WT1: variants seen among roughly 807,000 people sequenced by gnomAD.
WT1 encodes WT1 transcription factor, also known as Wilms tumor protein.
Under a neutral mutation model 60.8 loss-of-function variants are expected in WT1, and 8 were observed. The observed-to-expected ratio is 0.13, with a 90% CI of 0.08 to 0.24. The LOEUF is 0.24. WT1 is among the 10% of genes least tolerant of loss of function. The pLI, the probability that WT1 is intolerant of heterozygous loss-of-function variation, is 1.00. For synonymous variants in WT1, 312 were observed against 297.1 expected (o/e 1.05, Z -0.52); for missense variants, 568 against 711.8 (o/e 0.80, Z 2.30).
intron 7 of WT1, among the ~76,000 whole-genome samples, chr11:32,395,332 CTG>C (rs1376084669): frequency 6.6e-6 from 1 of 152,236 alleles, no homozygotes; most frequent in Non-Finnish European, 1.5e-5. Flanking sequence ...AGTAAACGTT[CTG>C]TGACATGGCT....
chr11:32,391,418 C>G (rs1292714056), intron 9 of WT1, among the ~76,000 whole-genome samples: 6 of 152,182 alleles, frequency 3.9e-5, no homozygotes, highest in African/African-American at 1.4e-4. Flanking sequence ...TTGCAGAAAG[C>G]AAAAACCTTC....
In WT1 at chr11:32,417,565, A is replaced by C. The variant is rs759192423; in HGVS notation, c.965+12T>G. The C allele has an allele frequency of 6.2e-7, 1 of 1,611,374 alleles. No homozygotes were observed. The highest frequency in any genetic ancestry group is 8.5e-7 in the Non-Finnish European group (1 of 1,177,550). ...TTACTGTGGAAAGGCAATGGAATAG[A>C]GAAAACCTTACCCCTTTAAGGTGGC... is the stretch of plus-strand genomic sequence containing the variant. On this transcript the variant is annotated intron_variant, in intron 4 of 9. Coordinates refer to ENST00000452863, the MANE Select transcript of WT1 (RefSeq NM_024426.6).
chr11:32,424,215 T>C (rs1309376620), intron 3 of WT1, among the ~76,000 whole-genome samples: 2 of 145,748 alleles, frequency 1.4e-5, no homozygotes, highest in Admixed American at 6.8e-5. Context: ...AGTAATCAGA[T>C]AGGGAATCCT....
chr11:32,419,931 T>G (rs1346746936), intron 3 of WT1, among the ~76,000 whole-genome samples: 1 of 152,156 alleles, frequency 6.6e-6, no homozygotes, highest in Non-Finnish European at 1.5e-5. Flanking sequence ...TAACCTCAGG[T>G]GATCCACCCG....
chr11:32,411,068 TAC>T lies in WT1; in HGVS notation c.1016+5420_1016+5421del, dbSNP rs10525221. On this transcript the variant is annotated intron_variant, in intron 5 of 9. Transcript: ENST00000452863. ...TCTGATGTAACCTCTCCCTCTCCAA[TAC>T]ACACACACACACACACACACACACT... Among the ~76,000 whole-genome samples, 1,303 of 145,242 alleles carry T rather than the reference TAC, an allele frequency of 9.0e-3. 17 individuals are homozygous for T. Among genetic ancestry groups the T allele is most frequent in the African/African-American group, 0.025 (982 of 39,460 alleles).
chr11:32,401,505 C>T (rs1590347708), intron 5 of WT1, among the ~76,000 whole-genome samples: 3 of 146,664 alleles, frequency 2.0e-5, no homozygotes, highest in South Asian at 4.3e-4. Context: ...AAAAAATTAT[C>T]GGGGGGGGGT....
At chr11:32,421,415 G>C (rs532365923) in intron 3 of WT1, among the ~76,000 whole-genome samples, 29 of 152,308 alleles carry the variant, frequency 1.9e-4, no homozygotes, top group Non-Finnish European at 3.1e-4. Flanking sequence ...CTGCCTGTTC[G>C]GAAGTGAACT....
chr11:32,413,961 G>A lies in WT1; in HGVS notation c.1016+2529C>T, dbSNP rs143347883. On this transcript the variant is annotated intron_variant, in intron 5 of 9. Transcript: ENST00000452863. The stretch of plus-strand genomic sequence containing the variant: ...CTCCTCAGCTAAAAAATTGGATGTG[G>A]CCATAGTGTCCTGGGGGTGTTGTAA... Among the ~76,000 whole-genome samples, 12 of 152,302 alleles carry A rather than the reference G, an allele frequency of 7.9e-5. No homozygotes were observed. In the East Asian group the frequency reaches 1.9e-3, roughly 25 times the overall value.
chr11:32,411,840 G>T (rs1447255433), intron 5 of WT1, among the ~76,000 whole-genome samples: 1 of 152,068 alleles, frequency 6.6e-6, no homozygotes, highest in Admixed American at 6.6e-5. Context: ...GGTTGGCAGG[G>T]TTAACAGACC....
chr11:32,398,494 T>C (rs1852042110), intron 6 of WT1, among the ~76,000 whole-genome samples: 1 of 152,238 alleles, frequency 6.6e-6, no homozygotes, highest in Non-Finnish European at 1.5e-5. Flanking sequence ...TATACTTTAC[T>C]TTCTTCATGC....
At chr11:32,429,449 G>T (rs1315901406) in intron 1 of WT1, among the ~76,000 whole-genome samples, 1 of 142,204 alleles carries the variant, frequency 7.0e-6, no homozygotes. Flanking sequence ...TCCCCCTAGG[G>T]AAATCCTAGC....
chr11:32,425,219 T>C (rs1043550758), intron 3 of WT1, among the ~76,000 whole-genome samples: 2 of 147,922 alleles, frequency 1.4e-5, no homozygotes, highest in East Asian at 3.9e-4. Flanking sequence ...AGAAAAAGTT[T>C]GGTGAGGGAG....
Position 32,396,258 on chromosome 11 carries a change from A to T in WT1, c.1263T>A (p.Thr421=), listed in dbSNP as rs2132939121. 6.2e-7 allele frequency: 1 copy of T among 1,614,176 alleles called. No homozygotes were observed. Among genetic ancestry groups the T allele is most frequent in the Non-Finnish European group, 8.5e-7 (1 of 1,180,036 alleles). ...AGACTGGACAGCGGGCACACTTACC[A>T]GTGTGCTTCCTGCTGTGCATCTGTA... Residue 421 remains threonine (T), a splice_region_variant and synonymous_variant, in exon 7 of 10, where the codon ACT becomes ACA. Coordinates refer to ENST00000452863, the MANE Select transcript of WT1 (RefSeq NM_024426.6).
chr11:32,415,081 G>A (rs527523230), intron 5 of WT1, among the ~76,000 whole-genome samples: 61 of 151,962 alleles, frequency 4.0e-4, no homozygotes, highest in Non-Finnish European at 5.9e-4. Context: ...AAAAAGTATC[G>A]AAATTATCTT....
intron 7 of WT1, among the ~76,000 whole-genome samples, chr11:32,395,769 T>C (rs1028260521): frequency 1.3e-5 from 2 of 152,106 alleles, no homozygotes; most frequent in Non-Finnish European, 1.5e-5. Context: ...ACCTTTTTTT[T>C]TTAAGTGATC....
At chr11:32,414,346 C>A (rs775056832) in intron 5 of WT1, among the ~76,000 whole-genome samples, 25 of 152,196 alleles carry the variant, frequency 1.6e-4, no homozygotes, top group South Asian at 6.2e-4. Context: ...GATCTTGGCT[C>A]ACTGCAACCT....
rs1463427035 is a variant in WT1 at position 32,388,313 on chromosome 11, C to G, written c.*745G>C. The G allele has an allele frequency of 4.3e-6, 1 of 233,582 alleles. No homozygotes were observed. The highest frequency in any genetic ancestry group is 8.5e-6 in the Non-Finnish European group (1 of 118,174). The allele number at this position is 233,582 out of a possible 1,614,324, so 14.5% of individuals were successfully genotyped here. A position where few individuals can be genotyped will look rare whatever the true frequency, so the allele number is the denominator to read the frequency against. ...CATCTATAAAGACACATATGATTAC[C>G]ACTCAAAAGAGTCAAAAACATACAC... is the stretch of plus-strand genomic sequence containing the variant. On this transcript the variant is annotated 3_prime_UTR_variant, in exon 10 of 10. Transcript: ENST00000452863.
In WT1 at chr11:32,389,048, G is replaced by A. The variant is rs757807247; in HGVS notation, c.*10C>T. 3.2e-5 allele frequency: 52 copies of A among 1,614,044 alleles called. No individual in the cohort carries two copies. The highest frequency in any genetic ancestry group is 4.3e-5 in the Non-Finnish European group (51 of 1,180,020). ...GCCTGGGACACTGAACGGTCCCCGA[G>A]GGAGACCCCTCAAAGCGCCAGCTGG... is the stretch of plus-strand genomic sequence containing the variant. On this transcript the variant is annotated 3_prime_UTR_variant, in exon 10 of 10. Transcript: ENST00000452863.
intron 3 of WT1, among the ~76,000 whole-genome samples, chr11:32,424,049 C>G (rs996014360): frequency 6.6e-6 from 1 of 150,856 alleles, no homozygotes; most frequent in African/African-American, 2.5e-5. Flanking sequence ...GTAGTCCCAG[C>G]TACTTGGGAG....
Sources: allele counts gnomAD v4.1 joint callset (sites outside exome capture counted in the v4.1 genomes callset), GRCh38; gene constraint gnomAD v4.1.1; transcripts MANE v1.5; gene names NCBI Gene and HGNC (gene_info 2026-07-23, HGNC 2026-07-21).